DMBT1: variants seen among roughly 807,000 people sequenced by gnomAD.
The protein encoded by DMBT1 is scavenger receptor cysteine-rich domain-containing protein DMBT1.
Under a neutral mutation model 252.9 loss-of-function variants are expected in DMBT1, and 198 were observed. The observed-to-expected ratio is 0.78, with a 90% confidence interval of 0.70 to 0.88. DMBT1 has a LOEUF of 0.88. Among genes scored for constraint, DMBT1 ranks in the 40% least tolerant of loss-of-function variants. The pLI, the probability that DMBT1 is intolerant of heterozygous loss-of-function variation, is 0.00. For synonymous variants in DMBT1, 990 were observed against 942.7 expected (o/e 1.05, Z -0.92); for missense variants, 2,432 against 2,404.7 (o/e 1.01, Z -0.24).
Position 122,630,104 on chromosome 10 carries a change from GC to G in DMBT1, c.5822+112del, listed in dbSNP as rs1027900258. The G allele has an allele frequency of 5.4e-6, 8 of 1,471,888 alleles. No individual in the cohort carries two copies. The African/African-American group carries it at 1.1e-4, about 21-fold the overall frequency. The allele number at this position is 1,471,888 out of a possible 1,614,324, so 91.2% of individuals were successfully genotyped here. A position where few individuals can be genotyped will look rare whatever the true frequency, so the allele number is the denominator to read the frequency against. The stretch of plus-strand genomic sequence containing the variant: ...TTTCACTCTCATGTGCCATGGACAA[GC>G]TTTTGGTGGCTTTGATTCCTACCAT... On this transcript the variant is annotated intron_variant, in intron 47 of 55. Transcript: ENST00000338354.
rs2097928193 is a variant in DMBT1 at position 122,600,063 on chromosome 10, G to C, written c.3281-1G>C. 3 of 1,607,696 alleles carry C rather than the reference G, an allele frequency of 1.9e-6. No homozygotes were observed. Among genetic ancestry groups the C allele is most frequent in the Non-Finnish European group, 1.7e-6 (2 of 1,178,348 alleles). On this transcript the variant is annotated splice_acceptor_variant, in intron 26 of 55. Coordinates refer to ENST00000338354, the MANE Select transcript of DMBT1 (RefSeq NM_001377530.1). LOFTEE classifies it high-confidence loss of function. ...CTGACCTTCTCTTCTCTTTCTCACA[G>C]CTTCCCAGTCCCGGCCAACACCTAG...
chr10:122,577,030 C>T (rs1185704839), intron 7 of DMBT1, among the ~76,000 whole-genome samples: 1 of 152,216 alleles, frequency 6.6e-6, no homozygotes, highest in Non-Finnish European at 1.5e-5. Flanking sequence ...ACGGTCAGCA[C>T]AAATCCCCAA....
chr10:122,576,635 C>T lies in DMBT1; in HGVS notation c.520C>T (p.His174Tyr), dbSNP rs202073945. 6.9e-5 allele frequency: 111 copies of T among 1,613,696 alleles called. No individual in the cohort carries two copies. The highest frequency in any genetic ancestry group is 8.6e-5 in the Non-Finnish European group (101 of 1,179,762). ...CCTGGATGATGTGCGCTGCTCAGGA[C>T]ACGAATCCTACCTGTGGAGCTGCCC... The part of the protein sequence containing the change: ...IALDDVRCSG[H>Y]ESYLWSCPHN... Residue 174 changes from histidine (H) to tyrosine (Y), a missense_variant, in exon 7 of 56, where the codon CAC (histidine) becomes TAC (tyrosine). Physicochemically the swap from His to Tyr is moderately conservative, Grantham distance 83. Transcript: ENST00000338354.
At chr10:122,569,989 C>A (rs2133520147) in intron 2 of DMBT1, among the ~76,000 whole-genome samples, 173 bp from the exon 3 acceptor site, 1 of 152,218 alleles carries the variant, frequency 6.6e-6, no homozygotes, top group East Asian at 1.9e-4. Flanking sequence ...GCATCCTAGC[C>A]CAGCCTGGGG....
intron 46 of DMBT1, among the ~76,000 whole-genome samples, chr10:122,626,609 G>A (rs74600221): frequency 0.011 from 1,677 of 152,314 alleles, 33 homozygotes; most frequent in African/African-American, 0.039. Flanking sequence ...CTTTTACTGT[G>A]TTAGGTATTT....
chr10:122,563,027 A>T (rs1253001695), intron 1 of DMBT1, among the ~76,000 whole-genome samples: 1 of 152,180 alleles, frequency 6.6e-6, no homozygotes. Flanking sequence ...TGAGGTGATG[A>T]ACTGAACTGT....
At chr10:122,564,527 G>C (rs1275331761) in intron 1 of DMBT1, among the ~76,000 whole-genome samples, 1 of 152,000 alleles carries the variant, frequency 6.6e-6, no homozygotes, top group South Asian at 2.1e-4. Context: ...ATGAAAGAAA[G>C]TATGCTGGAA....
At chr10:122,586,973 C>T (rs2097795460) in intron 16 of DMBT1, among the ~76,000 whole-genome samples, 1 of 147,756 alleles carries the variant, frequency 6.8e-6, no homozygotes, top group African/African-American at 2.4e-5. Flanking sequence ...CAACCACCAG[C>T]TCTTTCTAGG....
At chr10:122,620,058 G>C (rs1322843993) in intron 42 of DMBT1, among the ~76,000 whole-genome samples, 195 bp from the exon 43 acceptor site, 1 of 152,218 alleles carries the variant, frequency 6.6e-6, no homozygotes, top group Non-Finnish European at 1.5e-5. Flanking sequence ...AGGTAGGAGG[G>C]ATCGAACTGG....
At chr10:122,578,858 G>A (rs2097737258) in intron 9 of DMBT1, 99 bp downstream of exon 9, 1 of 1,262,784 alleles carries the variant, frequency 7.9e-7, no homozygotes, top group Admixed American at 2.0e-5. Context: ...GAGAGGTGGG[G>A]AAGTGGGCTA....
chr10:122,636,179 G>C lies in DMBT1; in HGVS notation c.6737G>C (p.Ser2246Thr). Residue 2246 changes from serine (S) to threonine (T), a missense_variant, in exon 53 of 56, where the codon AGT becomes ACT. Physicochemically the swap from Ser to Thr is moderately conservative, Grantham distance 58 (BLOSUM62 1). Around this residue, in one of 3 missense-constraint regions of DMBT1, gnomAD observed 1,162 missense variants for 1,169.0 expected, o/e 0.99. Coordinates refer to ENST00000338354, the MANE Select transcript of DMBT1 (RefSeq NM_001377530.1). ...GGGTTCCGGGCTGAGTACTACTCCA[G>C]TCCCTCCAATGACAGCACCAGTAAG... The part of the protein sequence containing the change: ...RRGFRAEYYS[S>T]PSNDSTNLLC... 6.2e-7 allele frequency: 1 copy of C among 1,613,722 alleles called. No individual in the cohort carries two copies. The highest frequency in any genetic ancestry group is 8.5e-7 in the Non-Finnish European group (1 of 1,179,748).
At chr10:122,575,965 A>G (rs546142828) in intron 6 of DMBT1, among the ~76,000 whole-genome samples, 1 of 152,314 alleles carries the variant, frequency 6.6e-6, no homozygotes, top group South Asian at 2.1e-4. Flanking sequence ...AAGGCCAGGA[A>G]TATCACGTGA....
chr10:122,622,774 C>T (rs1468160830), intron 44 of DMBT1, among the ~76,000 whole-genome samples: 1 of 152,188 alleles, frequency 6.6e-6, no homozygotes, highest in Non-Finnish European at 1.5e-5. Flanking sequence ...GCACTAGGCT[C>T]TACTTGAATC....
At chr10:122,600,516 A>G (rs1028981492) in intron 27 of DMBT1, among the ~76,000 whole-genome samples, 2 of 152,204 alleles carry the variant, frequency 1.3e-5, no homozygotes, top group African/African-American at 2.4e-5. Flanking sequence ...TTCCGAGATT[A>G]TCATGGGCCA....
chr10:122,627,310 G>A (rs1591527074), intron 46 of DMBT1, among the ~76,000 whole-genome samples: 1 of 151,952 alleles, frequency 6.6e-6, no homozygotes, highest in East Asian at 1.9e-4. Flanking sequence ...CATAATTACT[G>A]TTGGCATTTT....
Position 122,600,053 on chromosome 10 carries a change from CTT to C in DMBT1, c.3281-9_3281-8del. 6.2e-7 allele frequency: 1 copy of C among 1,608,012 alleles called. No individual in the cohort carries two copies. The highest frequency in any genetic ancestry group is 1.1e-5 in the South Asian group (1 of 90,262). On this transcript the variant is annotated splice_polypyrimidine_tract_variant and intron_variant, in intron 26 of 55. Transcript: ENST00000338354. Reference sequence around the variant, plus strand: ...TGTTCCTGATCTGACCTTCTCTTCTCTTTCTCACAGCTTCCCAGTCCCGGCCA... The same window carrying C: ...TGTTCCTGATCTGACCTTCTCTTCTCTCTCACAGCTTCCCAGTCCCGGCCA...
Position 122,599,117 on chromosome 10 carries a change from G to T in DMBT1, c.3280+20G>T. On this transcript the variant is annotated intron_variant, in intron 26 of 55. Transcript: ENST00000338354. Reference sequence around the variant, plus strand: ...GCTCAGGTGGGCCTTCAAGAACTTGGGATCACTCTCTTGGGGTGGAGTTTG... The same window carrying T: ...GCTCAGGTGGGCCTTCAAGAACTTGTGATCACTCTCTTGGGGTGGAGTTTG... The T allele has an allele frequency of 6.2e-7, 1 of 1,613,786 alleles. No homozygotes were observed. The highest frequency in any genetic ancestry group is 2.2e-5 in the East Asian group (1 of 44,876).
intron 1 of DMBT1, among the ~76,000 whole-genome samples, chr10:122,562,410 A>G (rs1048465505): frequency 1.1e-4 from 17 of 152,280 alleles, no homozygotes; most frequent in African/African-American, 4.1e-4. Flanking sequence ...GGTAGGGAGC[A>G]GGCCCACCCC....
chr10:122,576,786 G>T, intron 7 of DMBT1, 64 bp downstream of exon 7: 1 of 1,595,856 alleles, frequency 6.3e-7, no homozygotes, highest in Non-Finnish European at 8.6e-7. Context: ...CCACACTTTG[G>T]GAGGATGAGG....
Sources: gnomAD v4.1 joint callset for allele counts (sites outside exome capture counted in the v4.1 genomes callset) on GRCh38, gnomAD v4.1.1 for gene constraint, gnomAD v4.1.1 regional missense constraint, MANE v1.5 for transcripts, NCBI Gene and HGNC (gene_info 2026-07-23, HGNC 2026-07-21) for gene names.